Variants in CYFIP1 observed in about 807,000 individuals in gnomAD.
CYFIP1 encodes the protein cytoplasmic FMR1-interacting protein 1.
A neutral mutation model predicts 163.5 loss-of-function variants in CYFIP1; 58 were observed. That is an observed-to-expected ratio of 0.35 (90% CI 0.29 to 0.44). CYFIP1 has a LOEUF of 0.44. Ranked by LOEUF, CYFIP1 falls within the 20% of genes least tolerant of loss-of-function variation. The pLI is 1.00. For missense variants in CYFIP1, 1,338 were observed against 1,653.8 expected (o/e 0.81, Z 3.31); for synonymous variants, 663 against 660.7 (o/e 1.00, Z -0.05).
At position 22,945,025 on chromosome 15, in the gene CYFIP1, G is replaced by A. The variant is rs778582031; in HGVS notation, c.208-86C>T. 177 of 1,223,980 alleles carry A rather than the reference G, an allele frequency of 1.4e-4. 1 individual carries two copies. The highest frequency in any genetic ancestry group is 1.9e-4 in the African/African-American group (13 of 67,648). The allele number at this position is 1,223,980 out of a possible 1,614,324, so 75.8% of individuals were successfully genotyped here. A position where few individuals can be genotyped will look rare whatever the true frequency, so the allele number is the denominator to read the frequency against. On this transcript the variant is annotated intron_variant, in intron 3 of 30. Coordinates refer to ENST00000617928, the MANE Select transcript of CYFIP1 (RefSeq NM_014608.6). Reference sequence around the variant, plus strand: ...CCAGTTGCTAAAATCCAGACAAAGCGCCACAAACTATCCTAAGCACTGTGG... The same window carrying A: ...CCAGTTGCTAAAATCCAGACAAAGCACCACAAACTATCCTAAGCACTGTGG...
At chr15:22,926,185 G>A in intron 12 of CYFIP1, 78 bp from the exon 13 acceptor site, 1 of 1,589,232 alleles carries the variant, frequency 6.3e-7, no homozygotes, top group South Asian at 1.1e-5. Context: ...ACACGATGGT[G>A]GCCAAAGCCA....
chr15:22,932,175 C>T (rs770468292), intron 11 of CYFIP1, 48 bp downstream of exon 11: 2 of 1,418,576 alleles, frequency 1.4e-6, no homozygotes, highest in East Asian at 4.8e-5. Context: ...TGCAAACACA[C>T]ACAGGCGACC....
intron 16 of CYFIP1, among the ~76,000 whole-genome samples, chr15:22,915,943 C>T (rs1008522964): frequency 1.3e-5 from 2 of 152,148 alleles, no homozygotes; most frequent in Non-Finnish European, 2.9e-5. Flanking sequence ...CCTCCAATAC[C>T]TCGCAGCACC....
At chr15:22,909,772 T>C (rs1396918086) in intron 20 of CYFIP1, among the ~76,000 whole-genome samples, 1 of 152,172 alleles carries the variant, frequency 6.6e-6, no homozygotes, top group Non-Finnish European at 1.5e-5. Context: ...AGTGTACATA[T>C]TTATGGGGTA....
intron 22 of CYFIP1, among the ~76,000 whole-genome samples, chr15:22,897,478 G>GTTT (rs545780467): frequency 6.9e-6 from 1 of 144,114 alleles, no homozygotes; most frequent in Non-Finnish European, 1.5e-5. Flanking sequence ...CAACAGGGTT[G>GTTT]TTTTTTTTTT....
chr15:22,923,856 T>C (rs898095755), intron 13 of CYFIP1, among the ~76,000 whole-genome samples: 1 of 148,848 alleles, frequency 6.7e-6, no homozygotes, highest in African/African-American at 2.5e-5. Context: ...GGAGGGAGGA[T>C]TGTCTGAGCC....
At chr15:22,907,657 G>A (rs567043786) in intron 21 of CYFIP1, among the ~76,000 whole-genome samples, 72 of 152,200 alleles carry the variant, frequency 4.7e-4, no homozygotes, top group Non-Finnish European at 9.4e-4. Flanking sequence ...ACTGGAGAAG[G>A]GAAGACAACC....
intron 23 of CYFIP1, among the ~76,000 whole-genome samples, chr15:22,889,138 G>A (rs949264522): frequency 6.6e-6 from 1 of 152,154 alleles, no homozygotes; most frequent in Non-Finnish European, 1.5e-5. Flanking sequence ...TGAAACGGAG[G>A]CAGAAATCTC....
rs1261563694 is a variant in CYFIP1, at chr15:22,868,480, T to C, written c.*1548A>G. On this transcript the variant is annotated 3_prime_UTR_variant, in exon 31 of 31. Coordinates refer to ENST00000617928, the MANE Select transcript of CYFIP1 (RefSeq NM_014608.6). ...CTTGGTAATTGATTAAGTTTTACCA[T>C]AATTTTTCATCCTATTCTGTAGTTT... The C allele has an allele frequency of 6.6e-6, 1 of 152,232 alleles. No homozygotes were observed. The highest frequency in any genetic ancestry group is 1.5e-5 in the Non-Finnish European group (1 of 68,042). 9.4% of individuals were successfully genotyped at this position (152,232 alleles called of 1,614,324 possible).
intron 17 of CYFIP1, 176 bp from the exon 18 acceptor site, chr15:22,912,451 G>A (rs2142072336): frequency 1.9e-6 from 1 of 518,430 alleles, no homozygotes; most frequent in Non-Finnish European, 3.4e-6. Flanking sequence ...GCCTGAGGCG[G>A]CCGCCACACC....
rs1334707800 is a variant in CYFIP1, at chr15:22,926,051, G to A, written c.1290C>T (p.Asp430=). The change falls in exon 13 of 31, where the codon GAC becomes GAT. Residue 430 remains aspartate, a synonymous_variant. Transcript: ENST00000617928. ...TDKYSNKDCP[D]SAEEYERATR... ...TGGCACGCTCGTACTCTTCAGCGCTGTCGGGGCAGTCCTTGTTGGAGTACT... is the reference window on the plus strand; with the variant it reads ...TGGCACGCTCGTACTCTTCAGCGCTATCGGGGCAGTCCTTGTTGGAGTACT... The A allele has an allele frequency of 7.4e-6, 12 of 1,614,228 alleles. 1 individual carries two copies. The highest frequency in any genetic ancestry group is 8.5e-6 in the Non-Finnish European group (10 of 1,180,032).
intron 1 of CYFIP1, among the ~76,000 whole-genome samples, chr15:22,964,349 TCACTCACACACACACACACACACACA>T (rs1166902007): frequency 5.3e-4 from 21 of 39,560 alleles, no homozygotes; most frequent in Non-Finnish European, 7.1e-4. Context: ...CGCAACCTCA[TCACTCACACACACACACACACACACA>T]CACACACACA....
rs1306679172 is a variant in CYFIP1, at chr15:22,917,744, T to C, written c.1674+44A>G. 8 of 1,507,944 alleles carry C rather than the reference T, an allele frequency of 5.3e-6. No homozygotes were observed. The highest frequency in any genetic ancestry group is 4.0e-5 in the Admixed American group (2 of 50,292). The allele number at this position is 1,507,944 out of a possible 1,614,324, so 93.4% of individuals were successfully genotyped here. On this transcript the variant is annotated intron_variant, in intron 15 of 30. Transcript: ENST00000617928. This position sits in a 1 kb window ranked among gnomAD's most constrained non-coding sequence, Gnocchi z 4.2. ...CCACCCGCTCACAGCTCAGGGTGGG[T>C]CCCCCCAGGGAGAGGGTGCAGGCGG...
intron 17 of CYFIP1, among the ~76,000 whole-genome samples, chr15:22,913,527 C>CAAAAAAAAAA (rs35228444): frequency 6.8e-4 from 7 of 10,274 alleles, no homozygotes; most frequent in East Asian, 7.3e-3. Flanking sequence ...GGCTCTGTCT[C>CAAAAAAAAAA]AAAAAAAAAA....
At chr15:22,980,468 CG>C (rs2063449822), upstream of CYFIP1, 1 of 152,188 alleles carries the variant, frequency 6.6e-6, no homozygotes, top group Non-Finnish European at 1.5e-5. Context: ...GCCGCGGCCC[CG>C]GCCGCTCCCT....
intron 1 of CYFIP1, among the ~76,000 whole-genome samples, chr15:22,957,452 C>T (rs113379350): frequency 4.6e-5 from 7 of 152,130 alleles, no homozygotes; most frequent in Non-Finnish European, 1.0e-4. Flanking sequence ...CTAGCTAACA[C>T]GGTGAAACCC....
Position 22,917,786 on chromosome 15 carries a change from A to G in CYFIP1, c.1674+2T>C. On this transcript the variant is annotated splice_donor_variant, in intron 15 of 30. Coordinates refer to ENST00000617928, the MANE Select transcript of CYFIP1 (RefSeq NM_014608.6). LOFTEE classifies it high-confidence loss of function. This position sits in a 1 kb window ranked among gnomAD's most constrained non-coding sequence, Gnocchi z 4.2. ...TGCAGGCGGGGCTCAAGGGACGAGA[A>G]CCTGAGTGCTGGAGGGTCCCACGGC... is the stretch of plus-strand genomic sequence containing the variant. The G allele has an allele frequency of 6.2e-7, 1 of 1,602,284 alleles. No homozygotes were observed. The highest frequency in any genetic ancestry group is 8.5e-7 in the Non-Finnish European group (1 of 1,174,402).
intron 21 of CYFIP1, among the ~76,000 whole-genome samples, chr15:22,906,217 C>T (rs1322713785): frequency 1.3e-5 from 2 of 151,580 alleles, no homozygotes; most frequent in African/African-American, 4.9e-5. Flanking sequence ...AGCAATTCTC[C>T]TGCCCCAGCC....
chr15:22,968,094 C>T (rs990823439), intron 1 of CYFIP1, among the ~76,000 whole-genome samples: 18 of 151,948 alleles, frequency 1.2e-4, no homozygotes, highest in African/African-American at 3.6e-4. Context: ...CAAGATAGCG[C>T]CACTGCACTC....
Sources: allele counts gnomAD v4.1 joint callset (sites outside exome capture counted in the v4.1 genomes callset), GRCh38; gene constraint gnomAD v4.1.1; non-coding constraint Gnocchi (gnomAD v3.1); transcripts MANE v1.5; gene names NCBI Gene and HGNC (gene_info 2026-07-23, HGNC 2026-07-21).